The following FGF12 variants were observed in gnomAD, a reference collection of about 807,000 sequenced individuals.
The protein encoded by FGF12 is fibroblast growth factor 12, also known as fibroblast growth factor 12B.
In FGF12, 14 loss-of-function variants were observed where a neutral mutation model predicts 23.6. The observed-to-expected ratio is 0.59, with a 90% CI of 0.39 to 0.93. The LOEUF (loss-of-function observed/expected upper bound fraction) is 0.93, where lower values mean the gene tolerates loss of function less well. Among genes scored for constraint, FGF12 ranks in the 40% least tolerant of loss-of-function variants. The pLI is 0.00. For missense variants in FGF12, 175 were observed against 217.8 expected (o/e 0.80, Z 1.24); for synonymous variants, 62 against 77.3 (o/e 0.80, Z 1.04).
intron 2 of FGF12, among the ~76,000 whole-genome samples, chr3:192,579,649 G>C (rs183572235): frequency 6.6e-6 from 1 of 152,158 alleles, no homozygotes; most frequent in Non-Finnish European, 1.5e-5. Context: ...TGCCTCCGGG[G>C]TTCAATGCCT....
intron 2 of FGF12, among the ~76,000 whole-genome samples, chr3:192,459,352 T>C (rs967827961): frequency 2.6e-5 from 4 of 152,204 alleles, no homozygotes; most frequent in African/African-American, 9.6e-5. Context: ...AAATTTGGCA[T>C]TTCCTACATC....
At chr3:192,597,034 AGTATAT>A (rs1446124807) in intron 2 of FGF12, among the ~76,000 whole-genome samples, 2 of 152,232 alleles carry the variant, frequency 1.3e-5, no homozygotes, top group Non-Finnish European at 2.9e-5. Flanking sequence ...TGTAAAATAA[AGTATAT>A]GTATATGTTA....
At chr3:192,726,422 T>C (rs1719217188) in intron 2 of FGF12, among the ~76,000 whole-genome samples, 1 of 152,220 alleles carries the variant, frequency 6.6e-6, no homozygotes, top group South Asian at 2.1e-4. Context: ...ATCCAAAAGA[T>C]ATCTAATCTT....
chr3:192,616,855 A>C (rs1317627187), intron 2 of FGF12, among the ~76,000 whole-genome samples: 4 of 151,866 alleles, frequency 2.6e-5, no homozygotes, highest in African/African-American at 9.7e-5. Context: ...TAGAGAGTTA[A>C]GCTATATTCT....
At chr3:192,475,911 TATAGATG>T (rs1002774425) in intron 2 of FGF12, among the ~76,000 whole-genome samples, 44 of 151,514 alleles carry the variant, frequency 2.9e-4, no homozygotes, top group South Asian at 1.2e-3. Context: ...AGATGGTAGA[TATAGATG>T]ATAGATGATA....
intron 2 of FGF12, among the ~76,000 whole-genome samples, chr3:192,528,163 T>G (rs1724997284): frequency 6.6e-6 from 1 of 152,116 alleles, no homozygotes; most frequent in Non-Finnish European, 1.5e-5. Context: ...GTCCAAAGTC[T>G]CATCTGAGAC....
At chr3:192,149,243 T>C (rs1461719850) in intron 5 of FGF12, among the ~76,000 whole-genome samples, 4 of 152,202 alleles carry the variant, frequency 2.6e-5, no homozygotes, top group South Asian at 2.1e-4. Context: ...CTAGTCAGTA[T>C]AGTCAAGAAA....
At chr3:192,603,651 T>A (rs1259258603) in intron 2 of FGF12, among the ~76,000 whole-genome samples, 1 of 152,138 alleles carries the variant, frequency 6.6e-6, no homozygotes, top group Non-Finnish European at 1.5e-5. Flanking sequence ...AGCAGGTTTT[T>A]ATTAAAGATT....
rs34991386 is a variant in FGF12 at position 192,336,108 on chromosome 3, T to TACACACACACACACAC, written c.125-660_125-645dup. Among the ~76,000 whole-genome samples, 54 of 144,046 alleles carry TACACACACACACACAC rather than the reference T, an allele frequency of 3.7e-4. No homozygotes were observed. The highest frequency in any genetic ancestry group is 7.0e-3 in the Middle Eastern group (2 of 284). 94.5% of individuals were successfully genotyped at this position (144,046 alleles called of 152,430 possible). A position where few individuals can be genotyped will look rare whatever the true frequency, so the allele number is the denominator to read the frequency against. The stretch of plus-strand genomic sequence containing the variant: ...ATATATTTTATATCCAGGTGGGAAA[T>TACACACACACACACAC]ACACACACACACACACACACACACA... On this transcript the variant is annotated intron_variant, in intron 3 of 5. Coordinates refer to ENST00000445105, the MANE Select transcript of FGF12 (RefSeq NM_004113.6). This position sits in a 1 kb window ranked among gnomAD's most constrained non-coding sequence, Gnocchi z 4.3.
chr3:192,147,322 ATAATT>A (rs1382684971), intron 5 of FGF12, among the ~76,000 whole-genome samples: 2 of 152,206 alleles, frequency 1.3e-5, no homozygotes, highest in Non-Finnish European at 2.9e-5. Context: ...GAATTACAAT[ATAATT>A]TAAAGACCAT....
At chr3:192,361,132 G>A (rs1718704461) in intron 2 of FGF12, among the ~76,000 whole-genome samples, 1 of 123,328 alleles carries the variant, frequency 8.1e-6, no homozygotes, top group Non-Finnish European at 1.6e-5. Flanking sequence ...CTTCATCAGA[G>A]AGGAGCCTCA....
chr3:192,444,743 G>A (rs1024861283), intron 2 of FGF12, among the ~76,000 whole-genome samples: 2 of 152,172 alleles, frequency 1.3e-5, no homozygotes, highest in African/African-American at 4.8e-5. Context: ...GAATTAGACT[G>A]TGTTTCGGCT....
At chr3:192,668,780 T>G (rs1716993430) in intron 2 of FGF12, among the ~76,000 whole-genome samples, 1 of 152,002 alleles carries the variant, frequency 6.6e-6, no homozygotes, top group Non-Finnish European at 1.5e-5. Flanking sequence ...CTAAAGCACA[T>G]GAAAAAGCTC....
intron 3 of FGF12, among the ~76,000 whole-genome samples, chr3:192,342,455 A>C (rs74607753): frequency 0.036 from 5,501 of 151,976 alleles, 340 homozygotes; most frequent in African/African-American, 0.13. Context: ...GAGTTTGGGG[A>C]ATCTGTTACA....
At chr3:192,512,835 A>ATATATATATATATATATATATAT (rs1724521996) in intron 2 of FGF12, among the ~76,000 whole-genome samples, 2 of 76,778 alleles carry the variant, frequency 2.6e-5, no homozygotes, top group African/African-American at 1.3e-4. Flanking sequence ...TACTCAAATA[A>ATATATATATATATATATATATAT]ATATATATAT....
At chr3:192,480,961 C>T (rs1027852287) in intron 2 of FGF12, among the ~76,000 whole-genome samples, 1 of 152,136 alleles carries the variant, frequency 6.6e-6, no homozygotes, top group African/African-American at 2.4e-5. Context: ...TCAAAGAAGG[C>T]TCCATTATAA....
chr3:192,305,679 A>AATATATATATATATAT (rs1241285508), intron 4 of FGF12, among the ~76,000 whole-genome samples: 47 of 131,894 alleles, frequency 3.6e-4, no homozygotes, highest in South Asian at 2.9e-3. Flanking sequence ...AAAAAAAAAA[A>AATATATATATATATAT]ATATATATAT....
intron 2 of FGF12, among the ~76,000 whole-genome samples, chr3:192,604,538 T>C (rs1019597267): frequency 2.0e-5 from 3 of 152,188 alleles, no homozygotes; most frequent in Admixed American, 2.0e-4. Context: ...TACGAACTAC[T>C]GCTGAAATAA....
chr3:192,254,728 T>G (rs962975836), intron 4 of FGF12, among the ~76,000 whole-genome samples: 1 of 152,164 alleles, frequency 6.6e-6, no homozygotes, highest in Non-Finnish European at 1.5e-5. Flanking sequence ...CATTAAGTGC[T>G]TACATAACAA....
Sources: gnomAD v4.1 joint callset for allele counts (sites outside exome capture counted in the v4.1 genomes callset) on GRCh38, gnomAD v4.1.1 for gene constraint, Gnocchi (gnomAD v3.1) non-coding constraint, MANE v1.5 for transcripts, NCBI Gene and HGNC (gene_info 2026-07-23, HGNC 2026-07-21) for gene names.